Variants in SUGCT observed in about 807,000 individuals in gnomAD.
SUGCT encodes succinyl-CoA:glutarate-CoA transferase, also known as succinyl-CoA:glutarate CoA-transferase.
SUGCT carries 41 observed loss-of-function variants against 55.0 expected under a neutral mutation model. The observed-to-expected ratio is 0.74, with a 90% CI of 0.58 to 0.97. The LOEUF is 0.97. SUGCT is among the 50% of genes least tolerant of loss of function. The pLI, the probability that SUGCT is intolerant of heterozygous loss-of-function variation, is 0.00. For synonymous variants in SUGCT, 187 were observed against 200.4 expected (o/e 0.93, Z 0.56); for missense variants, 568 against 547.8 (o/e 1.04, Z -0.37).
chr7:40,978,803 G>A, the SUGCT span, among the ~76,000 whole-genome samples: 5 of 152,198 alleles, frequency 3.3e-5, no homozygotes, highest in Non-Finnish European at 4.4e-5. Context: ...GATGAAGCCC[G>A]AGAAGGGAGG....
At chr7:40,445,292 G>A (rs994582737) in intron 9 of SUGCT, among the ~76,000 whole-genome samples, 28 of 151,906 alleles carry the variant, frequency 1.8e-4, no homozygotes, top group African/African-American at 6.5e-4. Flanking sequence ...TCAAATAGAC[G>A]CAATAAAAAA....
At chr7:40,564,784 C>G (rs141062772) in intron 12 of SUGCT, among the ~76,000 whole-genome samples, 1 of 152,138 alleles carries the variant, frequency 6.6e-6, no homozygotes, top group Non-Finnish European at 1.5e-5. Flanking sequence ...ATCAGATCTC[C>G]CTAATGGCAA....
At chr7:40,811,243 T>C (rs2128757747) in intron 13 of SUGCT, among the ~76,000 whole-genome samples, 1 of 152,210 alleles carries the variant, frequency 6.6e-6, no homozygotes, top group Middle Eastern at 3.4e-3. Flanking sequence ...CTTTGGCTAT[T>C]TGGGCTCTTT....
chr7:40,136,533 C>A lies in SUGCT; in HGVS notation c.100+1413C>A, dbSNP rs191450024. 1.8e-4 allele frequency among the ~76,000 whole-genome samples: 27 copies of A among 152,306 alleles called. No homozygotes were observed. In the East Asian group the frequency reaches 4.6e-3, roughly 26 times the overall value. Reference sequence around the variant, plus strand: ...TTGTTTATTCTGTGGAAATTCAATTCACTACATTTCGTTTCTTCTGTAGAT... The same window carrying A: ...TTGTTTATTCTGTGGAAATTCAATTAACTACATTTCGTTTCTTCTGTAGAT... On this transcript the variant is annotated intron_variant, in intron 1 of 13. Coordinates refer to ENST00000335693, the MANE Select transcript of SUGCT (RefSeq NM_001193313.2).
chr7:40,173,912 C>A (rs2150685991), intron 1 of SUGCT, among the ~76,000 whole-genome samples: 1 of 107,482 alleles, frequency 9.3e-6, no homozygotes, highest in South Asian at 3.4e-4. Flanking sequence ...TAATGTATAT[C>A]CTGTGTGTGT....
intron 9 of SUGCT, among the ~76,000 whole-genome samples, chr7:40,448,430 T>C (rs552863654): frequency 2.1e-4 from 32 of 152,302 alleles, no homozygotes; most frequent in African/African-American, 6.5e-4. Flanking sequence ...TTTTATTTTG[T>C]ACATTATAAT....
chr7:40,415,098 A>G (rs1036072962), intron 9 of SUGCT, among the ~76,000 whole-genome samples: 1 of 147,042 alleles, frequency 6.8e-6, no homozygotes. Context: ...CTATCTATCT[A>G]TCTATCTATC....
chr7:40,585,271 T>C (rs1292102805), intron 12 of SUGCT, among the ~76,000 whole-genome samples: 2 of 152,218 alleles, frequency 1.3e-5, no homozygotes, highest in Non-Finnish European at 2.9e-5. Context: ...GTGGGTGATA[T>C]AGTATCTGGA....
chr7:40,225,399 A>G (rs1369365440), intron 6 of SUGCT, among the ~76,000 whole-genome samples: 2 of 151,584 alleles, frequency 1.3e-5, no homozygotes, highest in African/African-American at 4.9e-5. Context: ...GTAGTAAACC[A>G]TATTAATCAG....
chr7:40,799,352 C>G (rs766587752), intron 13 of SUGCT, among the ~76,000 whole-genome samples: 2 of 152,148 alleles, frequency 1.3e-5, no homozygotes, highest in Non-Finnish European at 2.9e-5. Context: ...TTGGGAATAG[C>G]ATACTCCTTT....
chr7:40,607,848 A>G (rs1187556345), intron 12 of SUGCT, among the ~76,000 whole-genome samples: 1 of 152,220 alleles, frequency 6.6e-6, no homozygotes, highest in Admixed American at 6.5e-5. Context: ...TCCTAAGGCC[A>G]TAGACCTAGT....
chr7:40,554,171 G>A (rs143640204), intron 12 of SUGCT, among the ~76,000 whole-genome samples: 17 of 152,260 alleles, frequency 1.1e-4, no homozygotes, highest in African/African-American at 3.6e-4. Flanking sequence ...CATAGTGCCC[G>A]ACACATTATG....
At chr7:40,698,407 C>G (rs1785033716) in intron 12 of SUGCT, among the ~76,000 whole-genome samples, 1 of 152,152 alleles carries the variant, frequency 6.6e-6, no homozygotes. Flanking sequence ...GGGTGGAATG[C>G]AGAATCCTCA....
the SUGCT span, among the ~76,000 whole-genome samples, chr7:40,940,702 C>A: frequency 6.6e-6 from 1 of 152,046 alleles, no homozygotes; most frequent in East Asian, 1.9e-4. Flanking sequence ...GGTGTATAGC[C>A]ATGCTACTGG....
intron 13 of SUGCT, among the ~76,000 whole-genome samples, chr7:40,774,601 C>A (rs1412362100): frequency 1.3e-5 from 2 of 152,080 alleles, no homozygotes; most frequent in Non-Finnish European, 2.9e-5. Flanking sequence ...TGCCGAAATG[C>A]AGTTATAATT....
At chr7:40,442,011 A>C (rs117658535) in intron 9 of SUGCT, among the ~76,000 whole-genome samples, 3,078 of 152,194 alleles carry the variant, frequency 0.02, 54 homozygotes, top group Non-Finnish European at 0.03. Context: ...CCAGAATGTC[A>C]AAGTCTGAAA....
Position 40,169,573 on chromosome 7 carries a change from T to C in SUGCT, c.101-11374T>C, listed in dbSNP as rs186340467. ...CCTTCCAGTGATTCCCTTGACATAA[T>C]AGACATGGACGAAGGGGAGGCTTAT... On this transcript the variant is annotated intron_variant, in intron 1 of 13. Transcript: ENST00000335693. Among the ~76,000 whole-genome samples, 5 of 152,278 alleles carry C rather than the reference T, an allele frequency of 3.3e-5. No homozygotes were observed. The East Asian group carries it at 9.7e-4, about 29-fold the overall frequency.
the SUGCT span, among the ~76,000 whole-genome samples, chr7:40,936,527 A>G: frequency 6.6e-6 from 1 of 151,638 alleles, no homozygotes; most frequent in East Asian, 1.9e-4. Context: ...AAATTTGTTG[A>G]TATTTTCAAA....
At chr7:40,455,260 G>A (rs971385991) in intron 10 of SUGCT, among the ~76,000 whole-genome samples, 3 of 152,112 alleles carry the variant, frequency 2.0e-5, no homozygotes, top group African/African-American at 2.4e-5. Context: ...AAATAGGTAA[G>A]TGTAATAGTA....
Sources: gnomAD v4.1 joint callset for allele counts (sites outside exome capture counted in the v4.1 genomes callset) on GRCh38, gnomAD v4.1.1 for gene constraint, MANE v1.5 for transcripts, NCBI Gene and HGNC (gene_info 2026-07-23, HGNC 2026-07-21) for gene names.